Variants in UGGT2 observed in about 807,000 individuals in gnomAD.
The protein encoded by UGGT2 is UDP-glucose glycoprotein glucosyltransferase 2.
Under a neutral mutation model 192.1 loss-of-function variants are expected in UGGT2, and 180 were observed. That is an observed-to-expected ratio of 0.94 (90% confidence interval 0.83 to 1.06). The LOEUF is 1.06. Among genes scored for constraint, UGGT2 ranks in the 50% least tolerant of loss-of-function variants. UGGT2 has a pLI of 0.00. For synonymous variants in UGGT2, 580 were observed against 591.0 expected (o/e 0.98, Z 0.27); for missense variants, 1,849 against 1,795.7 (o/e 1.03, Z -0.54).
chr13:95,921,075 C>T (rs139995682), intron 20 of UGGT2, among the ~76,000 whole-genome samples: 1 of 152,220 alleles, frequency 6.6e-6, no homozygotes, highest in Non-Finnish European at 1.5e-5. Flanking sequence ...CCATTATCCT[C>T]AGCAAACTAA....
chr13:95,927,075 T>G lies in UGGT2; in HGVS notation c.2153A>C (p.Asp718Ala), dbSNP rs765517644. 6.2e-7 allele frequency: 1 copy of G among 1,611,740 alleles called. No individual in the cohort carries two copies. The highest frequency in any genetic ancestry group is 1.7e-5 in the Admixed American group (1 of 59,574). Residue 718 changes from aspartate to alanine, a missense_variant, in exon 19 of 39, where the codon GAT becomes GCT. Physicochemically the swap from Asp to Ala is moderately radical, Grantham distance 126. Transcript: ENST00000376747. ...GTTCTTTGCAATTACAGCACTCTTA[T>G]CTTGTGAATCCAAGAAAAAGAAAGT... ...FSTFFFLDSQ[D>A]KSAVIAKNMY...
intron 36 of UGGT2, 50 bp downstream of exon 36, chr13:95,853,493 A>G: frequency 6.8e-7 from 1 of 1,464,354 alleles, no homozygotes; most frequent in Non-Finnish European, 9.4e-7. Context: ...ACGGAGTTGG[A>G]ACAGTCTATG....
At chr13:96,012,923 C>G (rs1247039933) in intron 5 of UGGT2, among the ~76,000 whole-genome samples, 1 of 152,006 alleles carries the variant, frequency 6.6e-6, no homozygotes, top group Non-Finnish European at 1.5e-5. Flanking sequence ...GAAAAGTAGT[C>G]AGGTCTCAAA....
chr13:95,830,513 C>T (rs11070152), intron 38 of UGGT2, among the ~76,000 whole-genome samples: 9 of 152,264 alleles, frequency 5.9e-5, no homozygotes, highest in African/African-American at 1.9e-4. Flanking sequence ...ATGCAGCCAA[C>T]AGACACATGA....
Position 95,884,735 on chromosome 13 carries a change from A to T in UGGT2, c.3039-55T>A, listed in dbSNP as rs1385361582. 15 of 1,500,378 alleles carry T rather than the reference A, an allele frequency of 1.0e-5. No homozygotes were observed. The Middle Eastern group carries it at 9.0e-4, about 90-fold the overall frequency. 92.9% of individuals were successfully genotyped at this position (1,500,378 alleles called of 1,614,324 possible). A position where few individuals can be genotyped will look rare whatever the true frequency, so the allele number is the denominator to read the frequency against. ...TGACCAAAACTGAGATTTTTCTTTTAAAATATTTTCAAAATTGAAAATTGC... is the reference window on the plus strand; with the variant it reads ...TGACCAAAACTGAGATTTTTCTTTTTAAATATTTTCAAAATTGAAAATTGC... On this transcript the variant is annotated intron_variant, in intron 26 of 38. Coordinates refer to ENST00000376747, the MANE Select transcript of UGGT2 (RefSeq NM_020121.4).
chr13:95,813,485 G>T (rs928664797), intron 38 of UGGT2, among the ~76,000 whole-genome samples: 1 of 152,150 alleles, frequency 6.6e-6, no homozygotes, highest in Non-Finnish European at 1.5e-5. Context: ...TTTAATATGT[G>T]TCCTGGCTGT....
intron 27 of UGGT2, among the ~76,000 whole-genome samples, chr13:95,880,741 A>C (rs1471518605): frequency 2.0e-5 from 3 of 152,246 alleles, no homozygotes; most frequent in Non-Finnish European, 4.4e-5. Context: ...TATGTCACTT[A>C]GTGACCCCAA....
chr13:95,909,814 A>AAAT (rs1225045788), intron 20 of UGGT2, among the ~76,000 whole-genome samples: 24 of 148,300 alleles, frequency 1.6e-4, no homozygotes, highest in African/African-American at 5.9e-4. Flanking sequence ...AAAAAAAAAA[A>AAAT]AAAAAACTGT....
chr13:96,039,657 T>C (rs1459974508), intron 1 of UGGT2, among the ~76,000 whole-genome samples: 1 of 152,354 alleles, frequency 6.6e-6, no homozygotes, highest in East Asian at 1.9e-4. Flanking sequence ...AATTTATCTC[T>C]TTCTTCTCTC....
chr13:95,954,093 T>C (rs1038874717), intron 12 of UGGT2, among the ~76,000 whole-genome samples: 14 of 152,174 alleles, frequency 9.2e-5, no homozygotes, highest in South Asian at 6.2e-4. Context: ...CCTGATACCT[T>C]TGTTTTCTGA....
intron 25 of UGGT2, among the ~76,000 whole-genome samples, chr13:95,890,150 C>T (rs940020767): frequency 5.9e-5 from 9 of 152,176 alleles, no homozygotes; most frequent in African/African-American, 2.2e-4. Flanking sequence ...CCCCTTTCCT[C>T]GGCTTCACTT....
At chr13:95,844,487 C>T (rs1357923811) in intron 36 of UGGT2, among the ~76,000 whole-genome samples, 1 of 152,156 alleles carries the variant, frequency 6.6e-6, no homozygotes, top group Admixed American at 6.5e-5. Flanking sequence ...GATTTTTAAT[C>T]TCTCAGCAGT....
chr13:95,988,231 A>T (rs1178852109), intron 8 of UGGT2, among the ~76,000 whole-genome samples: 12 of 151,872 alleles, frequency 7.9e-5, no homozygotes, highest in Non-Finnish European at 5.9e-5. Context: ...CCTTTATTAA[A>T]CTTTTTAGTT....
At position 95,949,399 on chromosome 13, in the gene UGGT2, T is replaced by C; in HGVS notation, c.1391A>G (p.Gln464Arg). Reference protein sequence around the residue: ...DLYITWPTSCQKLLKPVFPGS... With the variant: ...DLYITWPTSCRKLLKPVFPGS... ...AGGAAATACTGGCTTCAGAAGTTTCTGGCAACTTGTAGGCCATGTAATATA... is the reference window on the plus strand; with the variant it reads ...AGGAAATACTGGCTTCAGAAGTTTCCGGCAACTTGTAGGCCATGTAATATA... The change falls in exon 13 of 39, where the codon CAG becomes CGG. Residue 464 changes from glutamine (Q) to arginine (R), a missense_variant. Transcript: ENST00000376747. 4 of 1,586,806 alleles carry C rather than the reference T, an allele frequency of 2.5e-6. No individual in the cohort carries two copies. The highest frequency in any genetic ancestry group is 3.4e-6 in the Non-Finnish European group (4 of 1,165,278).
intron 22 of UGGT2, among the ~76,000 whole-genome samples, chr13:95,900,240 T>C (rs1319441276): frequency 2.0e-5 from 3 of 152,108 alleles, no homozygotes; most frequent in African/African-American, 4.8e-5. Flanking sequence ...AAAATGGCTA[T>C]CTATGTATGG....
At chr13:95,931,843 G>GGGAGCC (rs1419758108) in intron 17 of UGGT2, among the ~76,000 whole-genome samples, 1 of 152,130 alleles carries the variant, frequency 6.6e-6, no homozygotes, top group African/African-American at 2.4e-5. Flanking sequence ...CGCAAGCAGA[G>GGGAGCC]GGAGCCGGCT....
chr13:95,874,645 T>C (rs1373509582), intron 29 of UGGT2, among the ~76,000 whole-genome samples: 2 of 152,028 alleles, frequency 1.3e-5, no homozygotes. Context: ...AGAAAGCAAA[T>C]TCTTCTTCTC....
In UGGT2 at chr13:95,902,862, G is replaced by A. The variant is rs1348281362; in HGVS notation, c.2494C>T (p.Leu832Phe). 3 of 1,612,416 alleles carry A rather than the reference G, an allele frequency of 1.9e-6. No homozygotes were observed. Among genetic ancestry groups the A allele is most frequent in the Admixed American group, 1.7e-5 (1 of 59,868 alleles). ...IYSGDKIKTFLIEGMDKNAFE... is the reference protein window; with the variant it reads ...IYSGDKIKTFFIEGMDKNAFE... ...TTCAAATAGCTACTGACCTCAATAA[G>A]GAATGTTTTAATTTTATCTCCAGAG... The change falls in exon 21 of 39, where the codon CTT becomes TTT. Residue 832 changes from leucine (L) to phenylalanine (F), a missense_variant. By Grantham distance (22) the Leu-to-Phe change is conservative. Transcript: ENST00000376747.
At chr13:96,029,785 T>C (rs957686118) in intron 2 of UGGT2, among the ~76,000 whole-genome samples, 1 of 152,152 alleles carries the variant, frequency 6.6e-6, no homozygotes, top group Non-Finnish European at 1.5e-5. Context: ...TAAAATGAAT[T>C]TGAAATTTAC....
Sources: gnomAD v4.1 joint callset for allele counts (sites outside exome capture counted in the v4.1 genomes callset) on GRCh38, gnomAD v4.1.1 for gene constraint, MANE v1.5 for transcripts, NCBI Gene and HGNC (gene_info 2026-07-23, HGNC 2026-07-21) for gene names.